Variants in CAMKMT observed in about 807,000 individuals in gnomAD.
CAMKMT encodes calmodulin-lysine N-methyltransferase.
Under a neutral mutation model 48.0 loss-of-function variants are expected in CAMKMT, and 53 were observed. That is an observed-to-expected ratio of 1.10 (90% CI 0.89 to 1.39). CAMKMT has a LOEUF of 1.39. CAMKMT is among the 40% of genes most tolerant of loss of function. The pLI is 0.00. For synonymous variants in CAMKMT, 165 were observed against 152.3 expected (o/e 1.08, Z -0.61); for missense variants, 428 against 402.7 (o/e 1.06, Z -0.54).
chr2:44,655,253 T>C (rs1170662002), intron 3 of CAMKMT, among the ~76,000 whole-genome samples: 1 of 152,210 alleles, frequency 6.6e-6, no homozygotes, highest in Non-Finnish European at 1.5e-5. Flanking sequence ...ACAATTGTAT[T>C]TGATAAATGA....
At chr2:44,486,460 T>A (rs1431940149) in intron 3 of CAMKMT, among the ~76,000 whole-genome samples, 1 of 152,208 alleles carries the variant, frequency 6.6e-6, no homozygotes, top group Non-Finnish European at 1.5e-5. Context: ...GGAATGTGGA[T>A]AAGAAGCTCT....
chr2:44,551,689 C>T (rs115400953), intron 3 of CAMKMT, among the ~76,000 whole-genome samples: 96 of 152,274 alleles, frequency 6.3e-4, no homozygotes, highest in African/African-American at 2.2e-3. Flanking sequence ...ACTCATGTCA[C>T]TGTAGATGAA....
chr2:44,647,554 A>G (rs1435902935), intron 3 of CAMKMT, among the ~76,000 whole-genome samples: 2 of 152,256 alleles, frequency 1.3e-5, no homozygotes, highest in East Asian at 3.9e-4. Context: ...ATTCTGTGGT[A>G]ACTGAAACTT....
chr2:44,396,756 GAA>G (rs1376492026), intron 3 of CAMKMT, among the ~76,000 whole-genome samples: 1 of 146,338 alleles, frequency 6.8e-6, no homozygotes, highest in Non-Finnish European at 1.5e-5. Context: ...AAAAAAAAAA[GAA>G]AGAAAGAAAG....
intron 3 of CAMKMT, among the ~76,000 whole-genome samples, chr2:44,418,744 A>G (rs1053987257): frequency 2.0e-5 from 3 of 152,190 alleles, no homozygotes; most frequent in African/African-American, 7.2e-5. Context: ...ATTTCCATAC[A>G]AATTTTAGGC....
chr2:44,616,733 T>C (rs555574606), intron 3 of CAMKMT, among the ~76,000 whole-genome samples: 21 of 152,294 alleles, frequency 1.4e-4, no homozygotes, highest in African/African-American at 4.8e-4. Flanking sequence ...TAGATTAGGT[T>C]GGCCTTTCTG....
intron 8 of CAMKMT, among the ~76,000 whole-genome samples, chr2:44,751,057 GCAGCTGAATGAGAGGA>G (rs1021232306): frequency 5.9e-5 from 9 of 152,098 alleles, no homozygotes; most frequent in East Asian, 1.9e-4. Context: ...AAGAAGCATA[GCAGCTGAATGAGAGGA>G]CAGCTGAATG....
intron 7 of CAMKMT, among the ~76,000 whole-genome samples, chr2:44,728,141 G>T (rs1364677262): frequency 2.0e-5 from 3 of 152,070 alleles, no homozygotes; most frequent in Non-Finnish European, 1.5e-5. Context: ...GCCCAGCCTG[G>T]TCTTGAACTC....
chr2:44,652,453 G>T (rs1306456504), intron 3 of CAMKMT, among the ~76,000 whole-genome samples: 1 of 152,206 alleles, frequency 6.6e-6, no homozygotes, highest in Non-Finnish European at 1.5e-5. Flanking sequence ...CTCTTTGGGG[G>T]TGTGAGAAGT....
chr2:44,596,105 T>G (rs1670639174), intron 3 of CAMKMT, among the ~76,000 whole-genome samples: 1 of 151,438 alleles, frequency 6.6e-6, no homozygotes, highest in African/African-American at 2.4e-5. Flanking sequence ...CTGCATGTTC[T>G]GCACATGTAC....
chr2:44,524,979 A>C (rs1465286663), intron 3 of CAMKMT, among the ~76,000 whole-genome samples: 7 of 152,256 alleles, frequency 4.6e-5, no homozygotes, highest in Admixed American at 3.9e-4. Flanking sequence ...AAAAAAAAAA[A>C]AACTTAGCTT....
chr2:44,528,901 T>C (rs1666315529), intron 3 of CAMKMT, among the ~76,000 whole-genome samples: 1 of 150,572 alleles, frequency 6.6e-6, no homozygotes, highest in African/African-American at 2.4e-5. Flanking sequence ...AATACTTCAT[T>C]GATGGTACAC....
At chr2:44,449,473 G>GT (rs1444407039) in intron 3 of CAMKMT, among the ~76,000 whole-genome samples, 1 of 151,936 alleles carries the variant, frequency 6.6e-6, no homozygotes, top group Non-Finnish European at 1.5e-5. Context: ...TGTCCTTTCG[G>GT]TTTTTTATAT....
At chr2:44,550,430 C>T (rs1200037372) in intron 3 of CAMKMT, among the ~76,000 whole-genome samples, 1 of 151,582 alleles carries the variant, frequency 6.6e-6, no homozygotes, top group East Asian at 1.9e-4. Context: ...GACTGACAGT[C>T]ATGTAAGATC....
intron 3 of CAMKMT, among the ~76,000 whole-genome samples, chr2:44,664,439 C>T (rs1431016345): frequency 6.6e-6 from 1 of 152,108 alleles, no homozygotes; most frequent in Admixed American, 6.5e-5. Context: ...CTTGGTGTCA[C>T]CCACAGGAGC....
chr2:44,606,609 T>A (rs1671297888), intron 3 of CAMKMT, among the ~76,000 whole-genome samples: 1 of 152,222 alleles, frequency 6.6e-6, no homozygotes, highest in Non-Finnish European at 1.5e-5. Context: ...TTAAATATCA[T>A]TTTTGAAATG....
chr2:44,382,688 C>T (rs1267883112), intron 2 of CAMKMT, among the ~76,000 whole-genome samples: 1 of 151,820 alleles, frequency 6.6e-6, no homozygotes, highest in African/African-American at 2.4e-5. Context: ...ACTGTGTTAG[C>T]CTGGATGGTC....
chr2:44,409,629 A>G (rs1683053369), intron 3 of CAMKMT, among the ~76,000 whole-genome samples: 1 of 152,210 alleles, frequency 6.6e-6, no homozygotes, highest in Non-Finnish European at 1.5e-5. Context: ...ATATTAAAAA[A>G]CATAGAAGAC....
At chr2:44,391,056 A>T (rs1681288345) in intron 3 of CAMKMT, among the ~76,000 whole-genome samples, 2 of 152,194 alleles carry the variant, frequency 1.3e-5, no homozygotes, top group Admixed American at 1.3e-4. Flanking sequence ...TGAGCATTTT[A>T]AATGTAAAAA....
Sources: allele counts gnomAD v4.1 joint callset (sites outside exome capture counted in the v4.1 genomes callset), GRCh38; gene constraint gnomAD v4.1.1; transcripts MANE v1.5; gene names NCBI Gene and HGNC (gene_info 2026-07-23, HGNC 2026-07-21).